Variants in PRKG1 observed in about 807,000 individuals in gnomAD.
The protein encoded by PRKG1 is protein kinase cGMP-dependent 1.
PRKG1 carries 35 observed loss-of-function variants against 88.1 expected under a neutral mutation model. The observed-to-expected ratio is 0.40, with a 90% confidence interval of 0.30 to 0.53. The LOEUF is 0.53. PRKG1 is among the 20% of genes least tolerant of loss of function. The probability of loss-of-function intolerance (pLI) is 0.59; values close to 1 mark genes in which losing one functional copy is unlikely to be tolerated. For missense variants in PRKG1, 540 were observed against 839.8 expected (o/e 0.64, Z 4.41); for synonymous variants, 303 against 292.5 (o/e 1.04, Z -0.37).
chr10:51,290,782 T>A (rs1439769887), intron 2 of PRKG1, among the ~76,000 whole-genome samples: 1 of 152,136 alleles, frequency 6.6e-6, no homozygotes, highest in African/African-American at 2.4e-5. Flanking sequence ...TCTGATCTTT[T>A]TGGAGTCTCT....
chr10:52,012,488 C>T (rs185399057), intron 5 of PRKG1, among the ~76,000 whole-genome samples: 56 of 152,188 alleles, frequency 3.7e-4, no homozygotes, highest in African/African-American at 1.2e-3. Context: ...GTGATCTACC[C>T]GCCTCAGCCT....
chr10:51,718,138 C>A (rs1841929861), intron 3 of PRKG1, among the ~76,000 whole-genome samples: 1 of 152,062 alleles, frequency 6.6e-6, no homozygotes, highest in Non-Finnish European at 1.5e-5. Flanking sequence ...GGAAAAACAA[C>A]AAATTGATAT....
intron 5 of PRKG1, among the ~76,000 whole-genome samples, chr10:51,936,044 A>T (rs907859197): frequency 6.6e-6 from 1 of 151,838 alleles, no homozygotes; most frequent in African/African-American, 2.4e-5. Context: ...TTCCCATTTT[A>T]TTGAATGGCA....
intron 1 of PRKG1, among the ~76,000 whole-genome samples, chr10:51,067,045 T>C (rs1477867221): frequency 6.6e-6 from 1 of 151,828 alleles, no homozygotes. Context: ...ATACAACTAC[T>C]TTTTTTTCTT....
intron 1 of PRKG1, among the ~76,000 whole-genome samples, chr10:50,994,024 T>C (rs2132708207): frequency 6.6e-6 from 1 of 152,330 alleles, no homozygotes; most frequent in Middle Eastern, 3.4e-3. Flanking sequence ...TGGAGTACTT[T>C]TCTACTTCCT....
intron 7 of PRKG1, among the ~76,000 whole-genome samples, chr10:52,123,776 T>G (rs1213048093): frequency 2.6e-5 from 4 of 152,152 alleles, no homozygotes; most frequent in African/African-American, 9.7e-5. Context: ...CTACTTGAGT[T>G]TAAGCTCTCT....
intron 1 of PRKG1, among the ~76,000 whole-genome samples, chr10:51,086,454 G>T (rs1844249927): frequency 6.6e-6 from 1 of 152,068 alleles, no homozygotes; most frequent in African/African-American, 2.4e-5. Flanking sequence ...GAGAATTTAG[G>T]CACTTAGAAG....
At chr10:51,724,118 G>T (rs1236408376) in intron 3 of PRKG1, among the ~76,000 whole-genome samples, 1 of 152,108 alleles carries the variant, frequency 6.6e-6, no homozygotes, top group African/African-American at 2.4e-5. Context: ...CATAGAGGGG[G>T]TAAAAAAGCA....
intron 4 of PRKG1, among the ~76,000 whole-genome samples, chr10:51,901,910 C>T (rs1460825716): frequency 1.3e-5 from 2 of 151,934 alleles, no homozygotes; most frequent in Non-Finnish European, 1.5e-5. Flanking sequence ...TCTGATGTGA[C>T]ATTTAAAAAA....
chr10:51,306,314 A>G (rs1289982815), intron 2 of PRKG1, among the ~76,000 whole-genome samples: 3 of 152,172 alleles, frequency 2.0e-5, no homozygotes, highest in African/African-American at 7.2e-5. Flanking sequence ...CGAGAATGAC[A>G]AGTTGCATAT....
rs1564631483 is a variant in PRKG1 at position 51,186,957 on chromosome 10, TATA to T, written c.478+33628_478+33630del. 3.8e-3 allele frequency among the ~76,000 whole-genome samples: 171 copies of T among 44,994 alleles called. 1 individual carries two copies. The highest frequency in any genetic ancestry group is 0.013 in the South Asian group (12 of 896). The allele number at this position is 44,994 out of a possible 152,430, so 29.5% of individuals were successfully genotyped here. On this transcript the variant is annotated intron_variant, in intron 2 of 17. Coordinates refer to ENST00000373980, the MANE Select transcript of PRKG1 (RefSeq NM_006258.4). Reference sequence around the variant, plus strand: ...ATGAGTTTTGCAAGGCCCTGTGTTATATATATATATATATATATATATATATGT... The same window carrying T: ...ATGAGTTTTGCAAGGCCCTGTGTTATTATATATATATATATATATATATGT...
At chr10:52,261,004 A>G (rs1055410449) in intron 10 of PRKG1, among the ~76,000 whole-genome samples, 1 of 151,556 alleles carries the variant, frequency 6.6e-6, no homozygotes, top group Non-Finnish European at 1.5e-5. Context: ...AATTATAAAT[A>G]TTCTTTGATT....
intron 9 of PRKG1, among the ~76,000 whole-genome samples, chr10:52,175,322 T>C (rs7903745): frequency 0.25 from 38,413 of 152,024 alleles, 5,047 homozygotes; most frequent in Non-Finnish European, 0.29. Flanking sequence ...AGAATTCCAT[T>C]TTCATGACTG....
intron 1 of PRKG1, among the ~76,000 whole-genome samples, chr10:51,036,502 G>A (rs1056762548): frequency 6.6e-6 from 1 of 152,022 alleles, no homozygotes; most frequent in Non-Finnish European, 1.5e-5. Flanking sequence ...AGTGATCTGA[G>A]ACTGGGAGCT....
chr10:51,671,045 G>T (rs1840561211), intron 3 of PRKG1, among the ~76,000 whole-genome samples: 1 of 151,902 alleles, frequency 6.6e-6, no homozygotes, highest in African/African-American at 2.4e-5. Context: ...ATATTTTAGA[G>T]ATTTTTTTAT....
At chr10:52,050,042 A>G (rs189735370) in intron 5 of PRKG1, among the ~76,000 whole-genome samples, 1 of 144,808 alleles carries the variant, frequency 6.9e-6, no homozygotes, top group Non-Finnish European at 1.5e-5. Context: ...TGTGTGTGAG[A>G]GAGAGAGAGT....
intron 1 of PRKG1, among the ~76,000 whole-genome samples, chr10:51,023,810 G>A (rs1420714540): frequency 6.6e-6 from 1 of 152,136 alleles, no homozygotes; most frequent in African/African-American, 2.4e-5. Context: ...CCCTGGTTAT[G>A]CTCTGAGGAA....
At chr10:51,699,661 T>C in intron 3 of PRKG1, 1 of 1,249,982 alleles carries the variant, frequency 8.0e-7, no homozygotes, top group Non-Finnish European at 1.1e-6. Context: ...GCAGAAACTT[T>C]ACTAATTCGC....
Position 51,356,431 on chromosome 10 carries a change from G to A in PRKG1, c.479-111292G>A, listed in dbSNP as rs760736235. ...TGCTATAGTTATCTGCCCATGAAAG[G>A]CTATTTGTAAACAGAATAAATCATT... On this transcript the variant is annotated intron_variant, in intron 2 of 17. Coordinates refer to ENST00000373980, the MANE Select transcript of PRKG1 (RefSeq NM_006258.4). Among the ~76,000 whole-genome samples the A allele has an allele frequency of 5.5e-4, 83 of 152,030 alleles. No individual in the cohort carries two copies. In the Middle Eastern group the frequency reaches 0.014, roughly 25 times the overall value.
Sources: allele counts gnomAD v4.1 joint callset (sites outside exome capture counted in the v4.1 genomes callset), GRCh38; gene constraint gnomAD v4.1.1; transcripts MANE v1.5; gene names NCBI Gene and HGNC (gene_info 2026-07-23, HGNC 2026-07-21).